POLK: variants seen among roughly 807,000 people sequenced by gnomAD.
The protein encoded by POLK is polymerase (DNA directed) kappa.
Under a neutral mutation model 94.0 loss-of-function variants are expected in POLK, and 76 were observed. The observed-to-expected ratio is 0.81, with a 90% CI of 0.67 to 0.98. The LOEUF (loss-of-function observed/expected upper bound fraction) is 0.98. POLK is among the 50% of genes least tolerant of loss of function. The pLI is 0.00. For missense variants in POLK, 954 were observed against 1,010.1 expected (o/e 0.94, Z 0.75); for synonymous variants, 349 against 325.4 (o/e 1.07, Z -0.78).
chr5:75,588,558 A>G (rs1456189304), intron 10 of POLK, among the ~76,000 whole-genome samples: 1 of 152,212 alleles, frequency 6.6e-6, no homozygotes, highest in African/African-American at 2.4e-5. Flanking sequence ...AGACTGTAGG[A>G]GTGAAAAATG....
chr5:75,526,495 C>A (rs1768849178), intron 1 of POLK, among the ~76,000 whole-genome samples: 2 of 146,226 alleles, frequency 1.4e-5, no homozygotes, highest in Admixed American at 1.4e-4. Context: ...CTCCTTATTT[C>A]TTTTTCAATA....
chr5:75,608,819 AG>A, the POLK span: 1 of 152,254 alleles, frequency 6.6e-6, no homozygotes, highest in Non-Finnish European at 1.5e-5. Context: ...CAGTGGATGA[AG>A]AATGGAGAAG....
At chr5:75,585,123 G>A (rs1581083210) in intron 9 of POLK, among the ~76,000 whole-genome samples, 197 bp downstream of exon 9, 1 of 152,204 alleles carries the variant, frequency 6.6e-6, no homozygotes, top group African/African-American at 2.4e-5. Flanking sequence ...TCACTCCTAG[G>A]TTGTGGTGTC....
downstream of POLK, among the ~76,000 whole-genome samples, chr5:75,603,274 A>G (rs1400540925): frequency 1.3e-5 from 2 of 152,092 alleles, no homozygotes; most frequent in Non-Finnish European, 2.9e-5. Flanking sequence ...AAATGAAAAT[A>G]TCCATTTGTT....
chr5:75,590,537 G>A (rs1388212625), intron 11 of POLK, 97 bp downstream of exon 11: 1 of 740,056 alleles, frequency 1.4e-6, no homozygotes, highest in East Asian at 2.5e-5. Flanking sequence ...TCTTAAAGAT[G>A]AATACAAATT....
intron 3 of POLK, among the ~76,000 whole-genome samples, chr5:75,565,778 G>T (rs765168385): frequency 1.3e-5 from 2 of 152,314 alleles, no homozygotes; most frequent in South Asian, 4.1e-4. Context: ...GGCACCATCA[G>T]ATGCCAGCTG....
At chr5:75,600,487 T>A (rs1015735540) in exon 15 of POLK, 4 of 152,214 alleles carry the variant, frequency 2.6e-5, no homozygotes, top group African/African-American at 9.6e-5. Flanking sequence ...TTTTTTTCCC[T>A]GTCAGGACCC....
At chr5:75,548,537 G>A (rs4704228) in intron 2 of POLK, among the ~76,000 whole-genome samples, 32,299 of 148,894 alleles carry the variant, frequency 0.22, 3,679 homozygotes, top group South Asian at 0.39. Context: ...ATATATACAT[G>A]ATATATAATG....
At chr5:75,603,482 A>G (rs1272037381), downstream of POLK, among the ~76,000 whole-genome samples, 1 of 151,762 alleles carries the variant, frequency 6.6e-6, no homozygotes, top group Admixed American at 6.6e-5. Flanking sequence ...AAGATTTAGC[A>G]GTGGAATGAG....
chr5:75,511,644 T>C, upstream of POLK: 1 of 1,491,122 alleles, frequency 6.7e-7, no homozygotes, highest in Admixed American at 2.1e-5. Flanking sequence ...TCCCCTCCCC[T>C]GTCCTTTCCC....
chr5:75,525,478 A>G (rs899962648), intron 1 of POLK, among the ~76,000 whole-genome samples: 1 of 152,140 alleles, frequency 6.6e-6, no homozygotes, highest in African/African-American at 2.4e-5. Context: ...TATGAAGAAG[A>G]GTAAGGGAAA....
At chr5:75,595,152 T>C (rs972055236) in intron 12 of POLK, among the ~76,000 whole-genome samples, 1 of 147,002 alleles carries the variant, frequency 6.8e-6, no homozygotes, top group Non-Finnish European at 1.5e-5. Flanking sequence ...CTTGAGAGGC[T>C]GAGGCAGGAG....
chr5:75,571,470 G>A (rs1183707858), intron 4 of POLK, among the ~76,000 whole-genome samples: 1 of 152,182 alleles, frequency 6.6e-6, no homozygotes, highest in Non-Finnish European at 1.5e-5. Flanking sequence ...TTTGAGCAGA[G>A]TGCGATGGCG....
In POLK at chr5:75,570,439, G is replaced by T. The variant is rs79009738; in HGVS notation, c.408+947G>T. Among the ~76,000 whole-genome samples, 874 of 152,202 alleles carry T rather than the reference G, an allele frequency of 5.7e-3. 7 individuals are homozygous for T. Among genetic ancestry groups the T allele is most frequent in the African/African-American group, 0.02 (843 of 41,516 alleles). ...CACCCATTTATTTATTACTATTGTT[G>T]CACTAAAAGAGCAGAGTTCAATAAT... On this transcript the variant is annotated intron_variant, in intron 4 of 14. Coordinates refer to ENST00000241436, the Ensembl canonical transcript of POLK.
chr5:75,602,109 C>T (rs6870717), downstream of POLK, among the ~76,000 whole-genome samples: 2,178 of 152,274 alleles, frequency 0.014, 46 homozygotes, highest in African/African-American at 0.048. Context: ...TTAATTCTCC[C>T]AGAAATGTGT....
Position 75,560,275 on chromosome 5 carries a change from A to G in POLK, c.255+7684A>G, listed in dbSNP as rs1482110673. ...AGCATATTATATGACACATATACCC[A>G]ATAAATGTAACTTCTACTTTATAAT... is the stretch of plus-strand genomic sequence containing the variant. On this transcript the variant is annotated intron_variant, in intron 3 of 14. Transcript: ENST00000241436. 2.0e-5 allele frequency among the ~76,000 whole-genome samples: 3 copies of G among 152,340 alleles called. No homozygotes were observed. The East Asian group carries it at 5.8e-4, about 29-fold the overall frequency.
chr5:75,527,502 T>TATATATACAC (rs555220325), intron 1 of POLK, among the ~76,000 whole-genome samples: 49 of 133,026 alleles, frequency 3.7e-4, no homozygotes, highest in African/African-American at 4.6e-4. Flanking sequence ...AATTTATATA[T>TATATATACAC]ACACACACAC....
chr5:75,580,019 T>A (rs940857291), intron 6 of POLK, among the ~76,000 whole-genome samples: 2 of 151,396 alleles, frequency 1.3e-5, no homozygotes, highest in African/African-American at 2.4e-5. Context: ...TTATTGTGTA[T>A]GTGCCCTGGG....
intron 4 of POLK, among the ~76,000 whole-genome samples, chr5:75,572,135 G>A (rs1771629872): frequency 6.6e-6 from 1 of 152,134 alleles, no homozygotes; most frequent in Non-Finnish European, 1.5e-5. Context: ...TTTAATTTGT[G>A]ATAAAATTTG....
Sources: gnomAD v4.1 joint callset for allele counts (sites outside exome capture counted in the v4.1 genomes callset) on GRCh38, gnomAD v4.1.1 for gene constraint, MANE v1.5 for transcripts, NCBI Gene and HGNC (gene_info 2026-07-23, HGNC 2026-07-21) for gene names.